Variants in METAP2 observed in about 807,000 individuals in gnomAD.
The protein encoded by METAP2 is methionine aminopeptidase 2.
In METAP2, 25 loss-of-function variants were observed where a neutral mutation model predicts 59.4. That is an observed-to-expected ratio of 0.42 (90% CI 0.31 to 0.59). METAP2 has a LOEUF of 0.59. Among genes scored for constraint, METAP2 ranks in the 20% least tolerant of loss-of-function variants. The pLI is 0.16. For missense variants in METAP2, 366 were observed against 581.2 expected (o/e 0.63, Z 3.81); for synonymous variants, 214 against 194.1 (o/e 1.10, Z -0.85).
intron 10 of METAP2, 47 bp from the exon 11 acceptor site, chr12:95,513,605 T>C: frequency 6.3e-7 from 1 of 1,581,754 alleles, no homozygotes. Flanking sequence ...GGGAAATCAG[T>C]TCGTAACTCT....
At chr12:95,477,383 G>A (rs183212821) in intron 2 of METAP2, among the ~76,000 whole-genome samples, 55 of 152,250 alleles carry the variant, frequency 3.6e-4, no homozygotes, top group Non-Finnish European at 5.7e-4. Flanking sequence ...GAGCTACTGT[G>A]TCCGGCCTGT....
chr12:95,504,651 G>A (rs1279967750), intron 8 of METAP2, among the ~76,000 whole-genome samples: 1 of 151,902 alleles, frequency 6.6e-6, no homozygotes, highest in African/African-American at 2.4e-5. Flanking sequence ...CTACAGGTGT[G>A]GGCCACCATG....
At chr12:95,495,161 T>G in intron 6 of METAP2, 23 bp downstream of exon 6, 1 of 1,572,660 alleles carries the variant, frequency 6.4e-7, no homozygotes, top group Non-Finnish European at 8.7e-7. Flanking sequence ...AGAAAATTCC[T>G]ACCCCAGCCT....
At position 95,512,918 on chromosome 12, in the gene METAP2, T is replaced by C; in HGVS notation, c.1184+2T>C. On this transcript the variant is annotated splice_donor_variant, in intron 10 of 10. Coordinates refer to ENST00000323666, the MANE Select transcript of METAP2 (RefSeq NM_006838.4). LOFTEE classifies it high-confidence loss of function. ...TGATGTTGGACATGTGCCAATAAGG[T>C]GAGAGACGAGACGATTGATTTTATG... The C allele has an allele frequency of 6.5e-7, 1 of 1,543,576 alleles. No homozygotes were observed. The highest frequency in any genetic ancestry group is 8.9e-7 in the Non-Finnish European group (1 of 1,117,782).
At chr12:95,505,639 C>T (rs75655036) in intron 8 of METAP2, among the ~76,000 whole-genome samples, 1,837 of 152,174 alleles carry the variant, frequency 0.012, 21 homozygotes, top group Middle Eastern at 0.082. Flanking sequence ...AGATTACAGA[C>T]GTGTGCCACC....
chr12:95,503,544 C>G (rs1233828519), intron 7 of METAP2, among the ~76,000 whole-genome samples: 1 of 152,104 alleles, frequency 6.6e-6, no homozygotes, highest in Non-Finnish European at 1.5e-5. Context: ...AGGGGAGATG[C>G]AACAACAGTG....
chr12:95,485,816 C>G, intron 3 of METAP2, 63 bp from the exon 4 acceptor site: 5 of 1,125,940 alleles, frequency 4.4e-6, no homozygotes, highest in Non-Finnish European at 6.2e-6. Flanking sequence ...ACTGAGAAAA[C>G]TCTAATAACT....
At chr12:95,506,555 T>C (rs1032887491) in intron 8 of METAP2, among the ~76,000 whole-genome samples, 1 of 152,042 alleles carries the variant, frequency 6.6e-6, no homozygotes, top group Non-Finnish European at 1.5e-5. Flanking sequence ...CGCCTCGGCT[T>C]CCCACAGTGC....
intron 2 of METAP2, chr12:95,482,081 A>G (rs777884725): frequency 2.4e-5 from 10 of 417,896 alleles, no homozygotes; most frequent in African/African-American, 2.1e-4. Context: ...AAAAATCCAT[A>G]ATGAATAAGT....
chr12:95,511,833 A>C, intron 8 of METAP2, 62 bp from the exon 9 acceptor site: 3 of 1,152,884 alleles, frequency 2.6e-6, no homozygotes, highest in Non-Finnish European at 3.8e-6. Flanking sequence ...CCAAAATGTA[A>C]GAGATCTGTT....
At chr12:95,477,628 C>G (rs1220336346) in intron 2 of METAP2, among the ~76,000 whole-genome samples, 1 of 152,110 alleles carries the variant, frequency 6.6e-6, no homozygotes, top group African/African-American at 2.4e-5. Flanking sequence ...AAAAATGGGG[C>G]TTTCCCATTC....
chr12:95,489,859 T>G (rs1365372665), intron 4 of METAP2, among the ~76,000 whole-genome samples: 1 of 152,088 alleles, frequency 6.6e-6, no homozygotes, highest in Non-Finnish European at 1.5e-5. Context: ...CCAAAAAACT[T>G]CTTATTTTGA....
chr12:95,485,804 G>T (rs1350360458), intron 3 of METAP2, 75 bp from the exon 4 acceptor site: 2 of 955,710 alleles, frequency 2.1e-6, no homozygotes, highest in African/African-American at 3.4e-5. Flanking sequence ...CAACCATTAG[G>T]AACTGAGAAA....
chr12:95,486,379 T>C (rs922717568), intron 4 of METAP2, among the ~76,000 whole-genome samples: 5 of 152,214 alleles, frequency 3.3e-5, no homozygotes, highest in African/African-American at 9.7e-5. Flanking sequence ...ACTTTTTTTT[T>C]CCTGAAACCT....
At chr12:95,490,566 ATTTT>A (rs67031623) in intron 4 of METAP2, among the ~76,000 whole-genome samples, 23 of 102,800 alleles carry the variant, frequency 2.2e-4, no homozygotes, top group African/African-American at 5.9e-4. Flanking sequence ...TGAAGCCTGT[ATTTT>A]TTTTTTTTTT....
intron 2 of METAP2, among the ~76,000 whole-genome samples, chr12:95,482,982 C>T (rs2076169931): frequency 6.6e-6 from 1 of 152,182 alleles, no homozygotes; most frequent in Non-Finnish European, 1.5e-5. Context: ...CTCCTTGGCT[C>T]AAGTGATCCT....
At chr12:95,502,949 ATTTTT>A (rs71307542) in intron 7 of METAP2, among the ~76,000 whole-genome samples, 1 of 134,306 alleles carries the variant, frequency 7.4e-6, no homozygotes, top group African/African-American at 2.8e-5. Flanking sequence ...TTGTTCATAC[ATTTTT>A]TTTTTTTTTG....
intron 9 of METAP2, among the ~76,000 whole-genome samples, chr12:95,512,446 C>A (rs548374225): frequency 7.5e-4 from 114 of 152,270 alleles, no homozygotes; most frequent in African/African-American, 2.7e-3. Flanking sequence ...GTAGCTCAGG[C>A]CTGTTAATCC....
At chr12:95,475,487 T>A (rs2076111230) in intron 1 of METAP2, among the ~76,000 whole-genome samples, 1 of 152,214 alleles carries the variant, frequency 6.6e-6, no homozygotes, top group Non-Finnish European at 1.5e-5. Flanking sequence ...GTAGCCAGAA[T>A]GTCACTTCAT....
Sources: gnomAD v4.1 joint callset for allele counts (sites outside exome capture counted in the v4.1 genomes callset) on GRCh38, gnomAD v4.1.1 for gene constraint, MANE v1.5 for transcripts, NCBI Gene and HGNC (gene_info 2026-07-23, HGNC 2026-07-21) for gene names.